Variants in JMJD1C observed in about 807,000 individuals in gnomAD.
JMJD1C encodes the protein jumonji domain-containing protein 1C.
JMJD1C carries 31 observed loss-of-function variants against 245.3 expected under a neutral mutation model. The ratio of observed to expected loss-of-function variants is 0.13; its 90% CI spans 0.09 to 0.17. JMJD1C has a LOEUF of 0.17. Ranked by LOEUF, JMJD1C falls within the 10% of genes least tolerant of loss-of-function variation. The probability of loss-of-function intolerance (pLI) is 1.00; values close to 1 mark genes in which losing one functional copy is unlikely to be tolerated. For synonymous variants in JMJD1C, 1,057 were observed against 1,017.4 expected, an observed-to-expected ratio of 1.04 and a Z score of -0.74; for missense variants, 2,691 against 3,000.2, an observed-to-expected ratio of 0.90 and a Z score of 2.41.
chr10:63,493,929 A>G (rs1403603730), intron 1 of JMJD1C, among the ~76,000 whole-genome samples: 1 of 152,186 alleles, frequency 6.6e-6, no homozygotes, highest in African/African-American at 2.4e-5. Context: ...AAAAACAAAG[A>G]GAGAGAGAAA....
At chr10:63,324,789 T>C (rs539193538) in intron 2 of JMJD1C, among the ~76,000 whole-genome samples, 18 of 152,278 alleles carry the variant, frequency 1.2e-4, no homozygotes, top group African/African-American at 4.1e-4. Context: ...TCCAGGGTGG[T>C]GGTTTATACT....
chr10:63,209,158 A>G lies in JMJD1C; in HGVS notation c.2772T>C (p.Pro924=). The change falls in exon 9 of 26, where the codon CCT becomes CCC. Residue 924 remains proline, a synonymous_variant. Transcript: ENST00000399262. ...GAGGCTCTGCACTGGAAGGTCTGAC[A>G]GGAATGTGACTAAGTAATCCAATAC... ...ADGIGLLSHI[P]VRPSSAEPHR... is the part of the protein sequence containing the mutation. 6.2e-7 allele frequency: 1 copy of G among 1,614,018 alleles called. No individual in the cohort carries two copies. Among genetic ancestry groups the G allele is most frequent in the South Asian group, 1.1e-5 (1 of 91,082 alleles).
rs1482060971 is a variant in JMJD1C at position 63,215,354 on chromosome 10, A to G, written c.924T>C (p.Ser308=). The change falls in exon 7 of 26, where the codon AGT becomes AGC. Residue 308 remains serine, a synonymous_variant. Transcript: ENST00000399262. The part of the protein sequence containing the change: ...QNTHQQQQQR[S]IRPNKRKGSD... The stretch of plus-strand genomic sequence containing the variant: ...AGCCCTTCCTCTTATTTGGACGGAT[A>G]CTTCTTTGTTGCTGTTGCTGGTGTG... The G allele has an allele frequency of 6.2e-7, 1 of 1,613,822 alleles. No individual in the cohort carries two copies. The highest frequency in any genetic ancestry group is 8.5e-7 in the Non-Finnish European group (1 of 1,179,950).
chr10:63,467,690 T>C (rs1953354569), upstream of JMJD1C, among the ~76,000 whole-genome samples: 1 of 152,228 alleles, frequency 6.6e-6, no homozygotes. Flanking sequence ...CAGATGAAGA[T>C]TTCTAAAATC....
chr10:63,269,753 T>G (rs1234950532), intron 2 of JMJD1C, among the ~76,000 whole-genome samples: 3 of 152,212 alleles, frequency 2.0e-5, no homozygotes, highest in Admixed American at 2.0e-4. Context: ...TTTCACTCAT[T>G]ACAAAAAACA....
chr10:63,347,413 C>A (rs1305581243), intron 2 of JMJD1C, among the ~76,000 whole-genome samples: 1 of 150,574 alleles, frequency 6.6e-6, no homozygotes, highest in Non-Finnish European at 1.5e-5. Context: ...GAAACCCCGA[C>A]TCTAATAAAA....
chr10:63,292,143 G>GCTTTTTTTTT (rs1396774570), intron 2 of JMJD1C, among the ~76,000 whole-genome samples: 1 of 13,516 alleles, frequency 7.4e-5, no homozygotes, highest in African/African-American at 4.3e-4. Flanking sequence ...TGTAGAGACA[G>GCTTTTTTTTT]ATTTTTTTTT....
intron 2 of JMJD1C, among the ~76,000 whole-genome samples, chr10:63,367,211 C>T (rs774872421): frequency 7.6e-4 from 116 of 152,038 alleles, no homozygotes; most frequent in Non-Finnish European, 1.2e-3. Context: ...AACAAATCTG[C>T]TTTATTCACC....
At chr10:63,332,465 G>A (rs1942260786) in intron 2 of JMJD1C, among the ~76,000 whole-genome samples, 1 of 152,180 alleles carries the variant, frequency 6.6e-6, no homozygotes, top group Non-Finnish European at 1.5e-5. Context: ...TAATAATGGA[G>A]GAATAGACTG....
At chr10:63,232,110 T>A (rs1158760605) in intron 3 of JMJD1C, among the ~76,000 whole-genome samples, 2 of 152,190 alleles carry the variant, frequency 1.3e-5, no homozygotes, top group Non-Finnish European at 2.9e-5. Context: ...AGTGTTGGAA[T>A]TACAGGCGTG....
chr10:63,501,357 A>T (rs1954553686), intron 1 of JMJD1C, among the ~76,000 whole-genome samples: 1 of 152,226 alleles, frequency 6.6e-6, no homozygotes, highest in Non-Finnish European at 1.5e-5. Context: ...ACTGATGTTA[A>T]TCGTGCTTTT....
intron 11 of JMJD1C, among the ~76,000 whole-genome samples, chr10:63,199,893 G>A (rs968232228): frequency 6.6e-6 from 1 of 152,100 alleles, no homozygotes; most frequent in African/African-American, 2.4e-5. Context: ...TACACTTAAG[G>A]ACTTGGCATA....
chr10:63,462,855 T>C (rs1004951822), intron 1 of JMJD1C, among the ~76,000 whole-genome samples: 20 of 152,198 alleles, frequency 1.3e-4, no homozygotes, highest in African/African-American at 4.6e-4. Context: ...GCGTATAACA[T>C]TTAAACCACC....
intron 8 of JMJD1C, among the ~76,000 whole-genome samples, chr10:63,209,709 G>A (rs889820979): frequency 2.0e-5 from 3 of 152,042 alleles, no homozygotes; most frequent in African/African-American, 4.8e-5. Flanking sequence ...ACTGACAATT[G>A]GCAGATAATT....
intron 2 of JMJD1C, among the ~76,000 whole-genome samples, chr10:63,359,593 A>G (rs1945150516): frequency 6.6e-6 from 1 of 152,200 alleles, no homozygotes; most frequent in Admixed American, 6.5e-5. Flanking sequence ...AATACTTTTC[A>G]TTACCCATGA....
chr10:63,490,166 C>T (rs1954122181), intron 1 of JMJD1C, among the ~76,000 whole-genome samples: 1 of 152,142 alleles, frequency 6.6e-6, no homozygotes, highest in South Asian at 2.1e-4. Context: ...GACCACTGTT[C>T]TACACCTCAG....
chr10:63,316,634 G>A (rs1456550230), intron 2 of JMJD1C, among the ~76,000 whole-genome samples: 1 of 152,170 alleles, frequency 6.6e-6, no homozygotes, highest in Admixed American at 6.5e-5. Flanking sequence ...TTTTAGTAGA[G>A]ATGGGGTTTC....
chr10:63,512,523 C>A (rs941763587), intron 1 of JMJD1C, among the ~76,000 whole-genome samples: 2 of 152,118 alleles, frequency 1.3e-5, no homozygotes, highest in Non-Finnish European at 1.5e-5. Context: ...TCACTATTCT[C>A]TTCTTGCTTG....
At chr10:63,259,142 TC>T (rs146393771) in intron 3 of JMJD1C, among the ~76,000 whole-genome samples, 140 of 152,370 alleles carry the variant, frequency 9.2e-4, no homozygotes, top group African/African-American at 3.2e-3. Flanking sequence ...TTTACTTCTT[TC>T]TGTAAACTAC....
Sources: allele counts gnomAD v4.1 joint callset (sites outside exome capture counted in the v4.1 genomes callset), GRCh38; gene constraint gnomAD v4.1.1; transcripts MANE v1.5; gene names NCBI Gene and HGNC (gene_info 2026-07-23, HGNC 2026-07-21).